Variants in CADM2 observed in about 807,000 individuals in gnomAD.
CADM2 encodes the protein immunoglobulin superfamily member 4D.
A neutral mutation model predicts 49.8 loss-of-function variants in CADM2; 12 were observed. That is an observed-to-expected ratio of 0.24 (90% CI 0.15 to 0.39). The LOEUF (loss-of-function observed/expected upper bound fraction) is 0.39. Ranked by LOEUF, CADM2 falls within the 10% of genes least tolerant of loss-of-function variation. The pLI is 1.00. For synonymous variants in CADM2, 214 were observed against 175.4 expected, an observed-to-expected ratio of 1.22 and a Z score of -1.74; for missense variants, 378 against 492.3, an observed-to-expected ratio of 0.77 and a Z score of 2.20.
rs1559799260 is a variant in CADM2 at position 85,359,668 on chromosome 3, T to TATATATATATA, written c.62-366854_62-366853insATATATATATA. On this transcript the variant is annotated intron_variant, in intron 1 of 9. Transcript: ENST00000383699. The stretch of plus-strand genomic sequence containing the variant: ...TATATATATATATATATATATATAT[T>TATATATATATA]TTTTTTTTTGGTGGAGGGGAGAAGA... 1.3e-3 allele frequency among the ~76,000 whole-genome samples: 30 copies of TATATATATATA among 22,432 alleles called. No homozygotes were observed. The East Asian group carries it at 0.03, about 23-fold the overall frequency. The allele number at this position is 22,432 out of a possible 152,430, so 14.7% of individuals were successfully genotyped here.
chr3:85,734,391 C>T (rs1037520297), intron 2 of CADM2, among the ~76,000 whole-genome samples: 21 of 151,828 alleles, frequency 1.4e-4, no homozygotes, highest in Non-Finnish European at 8.8e-5. Flanking sequence ...ATGGCACTCT[C>T]AATGCAGGGA....
chr3:85,093,204 A>G (rs1017113764), intron 1 of CADM2, among the ~76,000 whole-genome samples: 2 of 152,152 alleles, frequency 1.3e-5, no homozygotes, highest in South Asian at 4.1e-4. Context: ...TCATTCTTTC[A>G]TAATAAGACA....
At chr3:86,060,486 T>C (rs1738498935) in intron 8 of CADM2, among the ~76,000 whole-genome samples, 1 of 151,890 alleles carries the variant, frequency 6.6e-6, no homozygotes, top group Non-Finnish European at 1.5e-5. Flanking sequence ...GAACAGAGAG[T>C]CTTTGTTCAA....
Position 85,153,366 on chromosome 3 carries a change from C to T in CADM2, c.61+193698C>T, listed in dbSNP as rs113469185. Among the ~76,000 whole-genome samples the T allele has an allele frequency of 6.5e-3, 991 of 152,316 alleles. 14 individuals are homozygous for T. The highest frequency in any genetic ancestry group is 0.022 in the African/African-American group (904 of 41,562). On this transcript the variant is annotated intron_variant, in intron 1 of 9. Coordinates refer to ENST00000383699, the MANE Select transcript of CADM2 (RefSeq NM_001167675.2). Reference sequence around the variant, plus strand: ...TTGGGTCACTGCCACCCGAATACTGCACTTTTCTGATGGTCTTAAAAAATG... The same window carrying T: ...TTGGGTCACTGCCACCCGAATACTGTACTTTTCTGATGGTCTTAAAAAATG...
At chr3:84,994,384 T>G (rs1447245445) in intron 1 of CADM2, among the ~76,000 whole-genome samples, 2 of 152,184 alleles carry the variant, frequency 1.3e-5, no homozygotes, top group Non-Finnish European at 2.9e-5. Context: ...ACACTTAGGC[T>G]ATATTTATAG....
intron 2 of CADM2, among the ~76,000 whole-genome samples, chr3:85,749,282 G>T (rs967845203): frequency 2.0e-5 from 3 of 151,938 alleles, no homozygotes; most frequent in African/African-American, 7.2e-5. Flanking sequence ...AATACTAAGT[G>T]CAGATGCTTT....
chr3:85,825,256 G>C lies in CADM2; in HGVS notation c.238+23060G>C, dbSNP rs1049870253. ...CCATCAAAAGGTTCAAGTTTAGAGG[G>C]CTTAATGAAGATACTATATTACAAA... On this transcript the variant is annotated intron_variant, in intron 3 of 9. Transcript: ENST00000383699. Among the ~76,000 whole-genome samples, 4 of 151,938 alleles carry C rather than the reference G, an allele frequency of 2.6e-5. No individual in the cohort carries two copies. In the East Asian group the frequency reaches 7.7e-4, roughly 29 times the overall value.
intron 2 of CADM2, among the ~76,000 whole-genome samples, chr3:85,790,550 C>A (rs567111494): frequency 3.9e-5 from 6 of 152,112 alleles, no homozygotes; most frequent in African/African-American, 1.2e-4. Flanking sequence ...TCTGAAGGAG[C>A]CTTTTGTCAT....
At chr3:85,561,690 T>C (rs1242903874) in intron 1 of CADM2, among the ~76,000 whole-genome samples, 1 of 152,178 alleles carries the variant, frequency 6.6e-6, no homozygotes, top group Non-Finnish European at 1.5e-5. Flanking sequence ...ATTGAGGATG[T>C]GGCCGTGAAC....
chr3:85,441,055 A>G (rs944430056), intron 1 of CADM2, among the ~76,000 whole-genome samples: 2 of 152,102 alleles, frequency 1.3e-5, no homozygotes, highest in African/African-American at 4.8e-5. Context: ...TATTTTAATT[A>G]TTAGATTTTT....
chr3:85,480,569 C>T (rs2039170475), intron 1 of CADM2, among the ~76,000 whole-genome samples: 1 of 151,826 alleles, frequency 6.6e-6, no homozygotes, highest in South Asian at 2.1e-4. Flanking sequence ...AGAAAAGTAC[C>T]TGTCCCATTA....
At chr3:85,702,276 T>C (rs1184076208) in intron 1 of CADM2, among the ~76,000 whole-genome samples, 1 of 152,160 alleles carries the variant, frequency 6.6e-6, no homozygotes, top group African/African-American at 2.4e-5. Flanking sequence ...AGGGAGGCAG[T>C]TGATTTACCC....
intron 1 of CADM2, among the ~76,000 whole-genome samples, chr3:85,199,155 C>G (rs1328924227): frequency 6.6e-6 from 1 of 151,900 alleles, no homozygotes; most frequent in Non-Finnish European, 1.5e-5. Context: ...TACCTTATGA[C>G]ATTTTTAATA....
chr3:85,197,226 T>C (rs1289827695), intron 1 of CADM2, among the ~76,000 whole-genome samples: 4 of 151,850 alleles, frequency 2.6e-5, no homozygotes, highest in East Asian at 1.9e-4. Flanking sequence ...TATGGACTTA[T>C]TTCTAGTTAG....
intron 1 of CADM2, among the ~76,000 whole-genome samples, chr3:85,632,234 C>T (rs1168960878): frequency 1.3e-5 from 2 of 152,076 alleles, no homozygotes; most frequent in African/African-American, 4.8e-5. Flanking sequence ...TCTCTCTTTG[C>T]CTGCTGTCAT....
chr3:85,905,689 A>G (rs1191154909), intron 5 of CADM2, among the ~76,000 whole-genome samples: 1 of 152,096 alleles, frequency 6.6e-6, no homozygotes, highest in Non-Finnish European at 1.5e-5. Context: ...GGAAATAACA[A>G]AGTTAAAAAT....
intron 1 of CADM2, among the ~76,000 whole-genome samples, chr3:85,699,916 T>C (rs1027517872): frequency 6.6e-6 from 1 of 152,228 alleles, no homozygotes; most frequent in African/African-American, 2.4e-5. Context: ...TTTTATGCTC[T>C]GCTTATCCTT....
chr3:85,152,264 C>A (rs2039946076), intron 1 of CADM2, among the ~76,000 whole-genome samples: 1 of 152,104 alleles, frequency 6.6e-6, no homozygotes, highest in Non-Finnish European at 1.5e-5. Context: ...ATATCCTTAA[C>A]TACATTTGAC....
At chr3:85,672,922 A>G (rs903166065) in intron 1 of CADM2, among the ~76,000 whole-genome samples, 1 of 152,226 alleles carries the variant, frequency 6.6e-6, no homozygotes, top group African/African-American at 2.4e-5. Flanking sequence ...TGAAAGCAGA[A>G]TGAGTGTAGA....
Sources: gnomAD v4.1 joint callset for allele counts (sites outside exome capture counted in the v4.1 genomes callset) on GRCh38, gnomAD v4.1.1 for gene constraint, MANE v1.5 for transcripts, NCBI Gene and HGNC (gene_info 2026-07-23, HGNC 2026-07-21) for gene names.